The following PIGG variants were observed in gnomAD, a reference collection of about 807,000 sequenced individuals.
PIGG encodes phosphatidylinositol glycan anchor biosynthesis class G (EMM blood group).
Under a neutral mutation model 83.2 loss-of-function variants are expected in PIGG, and 70 were observed. The observed-to-expected ratio is 0.84, with a 90% CI of 0.69 to 1.03. PIGG has a LOEUF of 1.03. PIGG is among the 50% of genes least tolerant of loss of function. The probability of loss-of-function intolerance (pLI) is 0.00; values close to 1 mark genes in which losing one functional copy is unlikely to be tolerated. For synonymous variants in PIGG, 532 were observed against 519.5 expected, an observed-to-expected ratio of 1.02 and a Z score of -0.33; for missense variants, 1,257 against 1,233.6, an observed-to-expected ratio of 1.02 and a Z score of -0.28.
intron 8 of PIGG, chr4:522,198 A>C (rs1726168954): frequency 1.7e-6 from 1 of 601,464 alleles, no homozygotes. Flanking sequence ...GGTTCCTGCG[A>C]CTGTTACCAA....
Position 527,174 on chromosome 4 carries a change from G to A in PIGG, c.2205G>A (p.Arg735=). ...ALGLLGVYCY[R]AAIGSVRFPW... is the part of the protein sequence containing the mutation. Reference sequence around the variant, plus strand: ...GGCTGCTGGGCGTCTACTGCTACCGGGCGGCCATCGGGAGTGTCCGGTTCC... The same window carrying A: ...GGCTGCTGGGCGTCTACTGCTACCGAGCGGCCATCGGGAGTGTCCGGTTCC... Residue 735 remains arginine, a synonymous_variant, in exon 10 of 13, where the codon CGG becomes CGA. Transcript: ENST00000453061. 6.2e-7 allele frequency: 1 copy of A among 1,613,496 alleles called. No individual in the cohort carries two copies. The highest frequency in any genetic ancestry group is 8.5e-7 in the Non-Finnish European group (1 of 1,179,814).
At chr4:523,343 T>G in intron 8 of PIGG, 116 bp from the exon 9 acceptor site, 3 of 772,668 alleles carry the variant, frequency 3.9e-6, no homozygotes, top group Non-Finnish European at 6.5e-6. Context: ...GTGCTGGGTG[T>G]GAGGAACAAT....
chr4:516,083 G>C lies in PIGG; in HGVS notation c.1012G>C (p.Val338Leu). Residue 338 changes from valine to leucine, a missense_variant, in exon 6 of 13, where the codon GTT (valine) becomes CTT (leucine). Coordinates refer to ENST00000453061, the MANE Select transcript of PIGG (RefSeq NM_001127178.3). ...KDSVGSLLFP[V>L]VEGRPMREQL... ...CAGTGTAGGGAGCCTCCTATTCCCA[G>C]TTGTGGAAGGAAGACCAATGAGAGA... is the stretch of plus-strand genomic sequence containing the variant. 1 of 1,613,846 alleles carries C rather than the reference G, an allele frequency of 6.2e-7. No individual in the cohort carries two copies. Among genetic ancestry groups the C allele is most frequent in the Non-Finnish European group, 8.5e-7 (1 of 1,179,814 alleles).
rs1553874124 is a variant in PIGG at position 499,439 on chromosome 4, C to T, written c.104C>T (p.Ser35Phe). ...TTCTTCCCGGCTCCCGTTCGTTCCT[C>T]TGCCAGAGCGGAACACGGAGCGGAG... Reference protein sequence around the residue: ...RGFFPAPVRSSARAEHGAEPP... With the variant: ...RGFFPAPVRSFARAEHGAEPP... Residue 35 changes from serine to phenylalanine, a missense_variant, in exon 1 of 13, where the codon TCT (serine) becomes TTT (phenylalanine). Transcript: ENST00000453061. 9 of 1,606,104 alleles carry T rather than the reference C, an allele frequency of 5.6e-6. No homozygotes were observed. The highest frequency in any genetic ancestry group is 6.8e-6 in the Non-Finnish European group (8 of 1,179,640).
At chr4:500,955 A>C (rs1553875506) in intron 2 of PIGG, 1 of 383,340 alleles carries the variant, frequency 2.6e-6, no homozygotes, top group African/African-American at 2.1e-5. Flanking sequence ...GAGTTAATCT[A>C]GTTCAGTCTC....
At chr4:504,120 G>T (rs1329763060) in intron 2 of PIGG, among the ~76,000 whole-genome samples, 1 of 152,226 alleles carries the variant, frequency 6.6e-6, no homozygotes, top group African/African-American at 2.4e-5. Flanking sequence ...TTGGTTGTTT[G>T]TATAGTGAGT....
At chr4:502,043 G>C (rs1172047950) in intron 2 of PIGG, 1 of 152,192 alleles carries the variant, frequency 6.6e-6, no homozygotes, top group Non-Finnish European at 1.5e-5. Context: ...TCCAGCCCCT[G>C]ATTTTCAGGA....
chr4:507,971 T>C (rs75010109), intron 4 of PIGG, among the ~76,000 whole-genome samples: 6,550 of 152,262 alleles, frequency 0.043, 196 homozygotes, highest in Middle Eastern at 0.082. Flanking sequence ...TCACTCTCTG[T>C]TCTGTGTCAC....
chr4:525,092 G>T (rs1451818428), intron 9 of PIGG: 1 of 674,062 alleles, frequency 1.5e-6, no homozygotes, highest in Non-Finnish European at 1.8e-6. Flanking sequence ...GGCAGGCGCA[G>T]CCTCTGTGGG....
At position 500,429 on chromosome 4, in the gene PIGG, C is replaced by A; in HGVS notation, c.188C>A (p.Pro63His). 6.2e-7 allele frequency: 1 copy of A among 1,614,006 alleles called. No individual in the cohort carries two copies. Among genetic ancestry groups the A allele is most frequent in the Non-Finnish European group, 8.5e-7 (1 of 1,179,892 alleles). The change falls in exon 2 of 13, where the codon CCT becomes CAT. Residue 63 changes from proline to histidine, a missense_variant. By Grantham distance (77) the Pro-to-His change is moderately conservative (BLOSUM62 -2). Transcript: ENST00000453061. ...ASSNWTTLPP[P>H]LFSKVVIVLI... is the part of the protein sequence containing the mutation. ...TCTAACTGGACCACGCTGCCACCAC[C>A]TCTCTTCAGTAAAGTTGTTATTGTT...
rs1014528235 is a variant in PIGG at position 525,181 on chromosome 4, G to A, written c.2069+1268G>A. On this transcript the variant is annotated intron_variant, in intron 9 of 12. Transcript: ENST00000453061. ...CTCCTCATCCTGAAGGGACAGAGCCGTGTGGGGGAATTCAGCCACCTCCTG... is the reference window on the plus strand; with the variant it reads ...CTCCTCATCCTGAAGGGACAGAGCCATGTGGGGGAATTCAGCCACCTCCTG... The A allele has an allele frequency of 4.0e-5, 39 of 985,072 alleles. 1 individual carries two copies. The East Asian group carries it at 7.9e-4, about 20-fold the overall frequency. The allele number at this position is 985,072 out of a possible 1,614,324, so 61.0% of individuals were successfully genotyped here. A position where few individuals can be genotyped will look rare whatever the true frequency, so the allele number is the denominator to read the frequency against.
intron 2 of PIGG, among the ~76,000 whole-genome samples, 168 bp downstream of exon 2, chr4:500,769 T>C (rs546309369): frequency 1.3e-5 from 2 of 152,208 alleles, no homozygotes; most frequent in Non-Finnish European, 1.5e-5. Context: ...GGGATGGAAC[T>C]GAGACCCATC....
chr4:509,549 C>G (rs1032627906), intron 5 of PIGG, among the ~76,000 whole-genome samples: 1 of 152,224 alleles, frequency 6.6e-6, no homozygotes. Context: ...CTGCCACACT[C>G]GCTGCCTCAC....
At position 509,289 on chromosome 4, in the gene PIGG, C is replaced by T. The variant is rs191631190; in HGVS notation, c.901+319C>T. 2.0e-5 allele frequency among the ~76,000 whole-genome samples: 3 copies of T among 152,278 alleles called. No individual in the cohort carries two copies. In the East Asian group the frequency reaches 5.8e-4, roughly 29 times the overall value. On this transcript the variant is annotated intron_variant, in intron 5 of 12. Coordinates refer to ENST00000453061, the MANE Select transcript of PIGG (RefSeq NM_001127178.3). ...TGTGAACTGAAGGAAACGTGAATAC[C>T]TCGGCTTTTTTAAAAGTTTGCATTA...
intron 11 of PIGG, chr4:532,174 C>G (rs1729219227): frequency 6.6e-6 from 1 of 152,584 alleles, no homozygotes; most frequent in African/African-American, 2.4e-5. Flanking sequence ...CCACATTTGC[C>G]CAGTCCCTGG....
intron 11 of PIGG, chr4:532,739 C>G (rs574750991): frequency 6.6e-6 from 1 of 152,502 alleles, no homozygotes; most frequent in South Asian, 2.1e-4. Flanking sequence ...ATGAACAGTT[C>G]TGGTTCTGGA....
chr4:532,490 A>T (rs34584074), intron 11 of PIGG: 28,624 of 152,194 alleles, frequency 0.19, 3,260 homozygotes, highest in African/African-American at 0.33. Context: ...AGTGGAGGAG[A>T]CACATGACTG....
chr4:499,464 G>T lies in PIGG; in HGVS notation c.129G>T (p.Glu43Asp), dbSNP rs782724528. 61 of 1,600,550 alleles carry T rather than the reference G, an allele frequency of 3.8e-5. No homozygotes were observed. The highest frequency in any genetic ancestry group is 5.0e-5 in the Non-Finnish European group (59 of 1,178,980). Residue 43 changes from glutamate to aspartate, a missense_variant, in exon 1 of 13, where the codon GAG becomes GAT. Coordinates refer to ENST00000453061, the MANE Select transcript of PIGG (RefSeq NM_001127178.3). ...CTGCCAGAGCGGAACACGGAGCGGA[G>T]CCCCCAGCGCCCGAACCCTCGGCTG... The part of the protein sequence containing the change: ...RSSARAEHGA[E>D]PPAPEPSAGA...
chr4:527,008 C>T (rs367895969), intron 9 of PIGG, 31 bp from the exon 10 acceptor site: 12 of 1,609,630 alleles, frequency 7.5e-6, no homozygotes, highest in African/African-American at 1.4e-5. Flanking sequence ...TGTTTGTTTA[C>T]GTAATGCTGG....
Sources: gnomAD v4.1 joint callset for allele counts (sites outside exome capture counted in the v4.1 genomes callset) on GRCh38, gnomAD v4.1.1 for gene constraint, MANE v1.5 for transcripts, NCBI Gene and HGNC (gene_info 2026-07-23, HGNC 2026-07-21) for gene names.